Variants in PTPRQ observed in about 807,000 individuals in gnomAD.
The protein encoded by PTPRQ is phosphatidylinositol phosphatase PTPRQ.
In PTPRQ, 199 loss-of-function variants were observed where a neutral mutation model predicts 246.0. The observed-to-expected ratio is 0.81, with a 90% CI of 0.72 to 0.91. The LOEUF is 0.91. Ranked by LOEUF, PTPRQ falls within the 40% of genes least tolerant of loss-of-function variation. PTPRQ has a pLI of 0.00. For synonymous variants in PTPRQ, 869 were observed against 853.2 expected, an observed-to-expected ratio of 1.02 and a Z score of -0.32; for missense variants, 2,624 against 2,528.4, an observed-to-expected ratio of 1.04 and a Z score of -0.81.
intron 7 of PTPRQ, among the ~76,000 whole-genome samples, 184 bp downstream of exon 7, chr12:80,469,022 A>T (rs1592544652): frequency 6.6e-6 from 1 of 152,214 alleles, no homozygotes; most frequent in East Asian, 1.9e-4. Flanking sequence ...ATAAATGAGT[A>T]TAAGAATGAC....
intron 30 of PTPRQ, among the ~76,000 whole-genome samples, chr12:80,618,984 G>A (rs141135094): frequency 1.2e-3 from 186 of 151,632 alleles, no homozygotes; most frequent in African/African-American, 4.4e-3. Flanking sequence ...TGTGGGAGGG[G>A]TGCTAGTATG....
intron 8 of PTPRQ, among the ~76,000 whole-genome samples, chr12:80,480,665 G>A (rs1183020411): frequency 6.6e-6 from 1 of 151,894 alleles, no homozygotes; most frequent in Non-Finnish European, 1.5e-5. Context: ...GAATCAAATA[G>A]ACGCAATACA....
At position 80,590,165 on chromosome 12, in the gene PTPRQ, A is replaced by G. The variant is rs183701789; in HGVS notation, c.4609+1713A>G. ...TATCATTATTTATCTGTTTGCAGCA[A>G]ATGAAAATCCAGGCACTGTTCCTTT... On this transcript the variant is annotated intron_variant, in intron 26 of 44. Coordinates refer to ENST00000644991, the MANE Select transcript of PTPRQ (RefSeq NM_001145026.2). Among the ~76,000 whole-genome samples the G allele has an allele frequency of 3.8e-4, 58 of 152,268 alleles. 1 individual carries two copies. The highest frequency in any genetic ancestry group is 3.5e-4 in the Non-Finnish European group (24 of 68,018).
chr12:80,625,615 G>A (rs867415984), intron 33 of PTPRQ, among the ~76,000 whole-genome samples: 3 of 152,098 alleles, frequency 2.0e-5, no homozygotes, highest in Non-Finnish European at 4.4e-5. Flanking sequence ...TAGTGAAAGG[G>A]ACTAATGAAA....
At chr12:80,470,416 T>C (rs1893586765) in intron 7 of PTPRQ, among the ~76,000 whole-genome samples, 1 of 152,098 alleles carries the variant, frequency 6.6e-6, no homozygotes, top group South Asian at 2.1e-4. Flanking sequence ...AGCAAGACTA[T>C]TAGTTGGGAG....
chr12:80,608,893 C>G (rs1412312541), intron 27 of PTPRQ, among the ~76,000 whole-genome samples: 2 of 150,492 alleles, frequency 1.3e-5, no homozygotes, highest in Non-Finnish European at 3.0e-5. Context: ...TGAAATTAAG[C>G]CTAGTCTTAA....
At chr12:80,624,642 C>T (rs1419246380) in intron 33 of PTPRQ, among the ~76,000 whole-genome samples, 1 of 152,184 alleles carries the variant, frequency 6.6e-6, no homozygotes, top group Non-Finnish European at 1.5e-5. Flanking sequence ...ATGGATTTAA[C>T]ACCATCAATT....
At chr12:80,527,871 A>G (rs1236403784) in intron 17 of PTPRQ, among the ~76,000 whole-genome samples, 1 of 152,190 alleles carries the variant, frequency 6.6e-6, no homozygotes, top group African/African-American at 2.4e-5. Flanking sequence ...AGGTGGGCAG[A>G]TGGCTTGAAC....
intron 8 of PTPRQ, among the ~76,000 whole-genome samples, chr12:80,480,592 T>A (rs11833717): frequency 0.21 from 31,011 of 149,674 alleles, 3,552 homozygotes; most frequent in African/African-American, 0.27. Flanking sequence ...GGAGCTGGTT[T>A]TTTGAAAGGA....
intron 28 of PTPRQ, among the ~76,000 whole-genome samples, chr12:80,613,026 G>A (rs2121108155): frequency 6.6e-6 from 1 of 150,560 alleles, no homozygotes; most frequent in South Asian, 2.1e-4. Context: ...TGATGTAATA[G>A]TTTTATATCT....
intron 35 of PTPRQ, among the ~76,000 whole-genome samples, chr12:80,645,971 T>C (rs1900057725): frequency 6.6e-6 from 1 of 152,144 alleles, no homozygotes; most frequent in African/African-American, 2.4e-5. Context: ...GGATCTCGAA[T>C]TGAGAGCTAG....
intron 25 of PTPRQ, among the ~76,000 whole-genome samples, chr12:80,558,828 T>A (rs1896741742): frequency 6.6e-6 from 1 of 152,220 alleles, no homozygotes; most frequent in Non-Finnish European, 1.5e-5. Context: ...ATGGCTAACG[T>A]TCAATAGCTA....
chr12:80,563,404 T>A (rs1432637966), intron 25 of PTPRQ, among the ~76,000 whole-genome samples: 2 of 151,588 alleles, frequency 1.3e-5, no homozygotes, highest in African/African-American at 4.8e-5. Flanking sequence ...ATCCCACTCA[T>A]AAGGGCCCTA....
chr12:80,545,453 T>C (rs905420930), intron 23 of PTPRQ, among the ~76,000 whole-genome samples: 9 of 152,128 alleles, frequency 5.9e-5, no homozygotes, highest in Non-Finnish European at 1.3e-4. Context: ...TTTTGTCAGA[T>C]ATAATGTAAG....
chr12:80,537,741 T>C (rs1253394086), intron 19 of PTPRQ, among the ~76,000 whole-genome samples: 4 of 152,204 alleles, frequency 2.6e-5, no homozygotes, highest in African/African-American at 9.6e-5. Flanking sequence ...GTACAGCATA[T>C]TAACTTTTCT....
chr12:80,662,454 T>C (rs184092867), intron 39 of PTPRQ, among the ~76,000 whole-genome samples: 7 of 152,104 alleles, frequency 4.6e-5, no homozygotes, highest in East Asian at 3.9e-4. Flanking sequence ...CAAATGGACC[T>C]GAGTTCAAAT....
At chr12:80,607,947 A>G (rs990968227) in intron 27 of PTPRQ, among the ~76,000 whole-genome samples, 1 of 150,914 alleles carries the variant, frequency 6.6e-6, no homozygotes, top group Admixed American at 6.6e-5. Flanking sequence ...AGTGGTACAC[A>G]CTGGAATAGA....
intron 39 of PTPRQ, 107 bp downstream of exon 39, chr12:80,658,168 T>A (rs1900506171): frequency 3.1e-6 from 2 of 654,806 alleles, no homozygotes; most frequent in Admixed American, 8.8e-5. Flanking sequence ...CTCCTATGGA[T>A]CTTAATATGC....
intron 32 of PTPRQ, among the ~76,000 whole-genome samples, chr12:80,621,858 A>G (rs1013837693): frequency 7.2e-5 from 11 of 152,174 alleles, no homozygotes; most frequent in African/African-American, 2.6e-4. Flanking sequence ...ATCAAATTCA[A>G]TGGGTCAAAG....
Sources: gnomAD v4.1 joint callset for allele counts (sites outside exome capture counted in the v4.1 genomes callset) on GRCh38, gnomAD v4.1.1 for gene constraint, MANE v1.5 for transcripts, NCBI Gene and HGNC (gene_info 2026-07-23, HGNC 2026-07-21) for gene names.